Variants in CERT1 observed in about 807,000 individuals in gnomAD.
CERT1 encodes ceramide transporter 1.
Under a neutral mutation model 87.9 loss-of-function variants are expected in CERT1, and 31 were observed. The observed-to-expected ratio is 0.35, with a 90% CI of 0.27 to 0.48. CERT1 has a LOEUF of 0.48. CERT1 is among the 20% of genes least tolerant of loss of function. The probability of loss-of-function intolerance (pLI) is 0.99; values close to 1 mark genes in which losing one functional copy is unlikely to be tolerated. For missense variants in CERT1, 487 were observed against 758.0 expected (o/e 0.64, Z 4.20); for synonymous variants, 289 against 250.9 (o/e 1.15, Z -1.44).
chr5:75,482,082 T>A (rs1425130849), intron 2 of CERT1, among the ~76,000 whole-genome samples: 1 of 152,220 alleles, frequency 6.6e-6, no homozygotes, highest in African/African-American at 2.4e-5. Flanking sequence ...ACTTCTTTCC[T>A]GGGATAGAGC....
chr5:75,481,042 A>C (rs1766218122), intron 2 of CERT1, among the ~76,000 whole-genome samples: 1 of 151,918 alleles, frequency 6.6e-6, no homozygotes, highest in Admixed American at 6.5e-5. Context: ...TCCTCTGCTC[A>C]AACCTCCAGC....
intron 8 of CERT1, among the ~76,000 whole-genome samples, chr5:75,405,211 T>C (rs1298206116): frequency 3.9e-5 from 6 of 152,176 alleles, no homozygotes. Context: ...CCCCTTAGAA[T>C]AGCATTTCTT....
At chr5:75,434,376 G>A (rs1296378452) in intron 3 of CERT1, among the ~76,000 whole-genome samples, 5 of 151,938 alleles carry the variant, frequency 3.3e-5, no homozygotes, top group South Asian at 2.1e-4. Flanking sequence ...GTGTTTTGAC[G>A]TGCTGCTGTA....
intron 3 of CERT1, among the ~76,000 whole-genome samples, chr5:75,427,401 C>A (rs1027437307): frequency 6.6e-6 from 1 of 152,100 alleles, no homozygotes; most frequent in Non-Finnish European, 1.5e-5. Flanking sequence ...GAGTCTGAGA[C>A]CAGCCTGGCC....
At chr5:75,385,176 C>A (rs1246481801) in intron 13 of CERT1, among the ~76,000 whole-genome samples, 1 of 152,100 alleles carries the variant, frequency 6.6e-6, no homozygotes, top group African/African-American at 2.4e-5. Flanking sequence ...GGAATACACA[C>A]TAAGAATAAC....
intron 3 of CERT1, among the ~76,000 whole-genome samples, chr5:75,441,101 T>A (rs183128946): frequency 6.6e-5 from 10 of 152,290 alleles, no homozygotes; most frequent in Admixed American, 6.5e-4. Context: ...ATGCACTGCA[T>A]AATGTTTTTG....
At chr5:75,467,641 C>CAAAAAAAAA (rs1458470572) in intron 2 of CERT1, among the ~76,000 whole-genome samples, 1 of 49,978 alleles carries the variant, frequency 2.0e-5, no homozygotes, top group African/African-American at 6.7e-5. Context: ...ACTCTGTCTC[C>CAAAAAAAAA]AAAAAAAAGA....
intron 8 of CERT1, among the ~76,000 whole-genome samples, chr5:75,408,991 T>C (rs1261600299): frequency 6.6e-6 from 1 of 152,092 alleles, no homozygotes; most frequent in Non-Finnish European, 1.5e-5. Flanking sequence ...AAATTATACT[T>C]ACATACTGCT....
At chr5:75,490,537 C>T (rs376319143) in intron 2 of CERT1, among the ~76,000 whole-genome samples, 4 of 151,592 alleles carry the variant, frequency 2.6e-5, no homozygotes, top group African/African-American at 4.9e-5. Context: ...CTCGCTGTGT[C>T]GCCCAGGCTG....
chr5:75,498,117 T>C (rs1488322926), intron 2 of CERT1, among the ~76,000 whole-genome samples: 2 of 152,172 alleles, frequency 1.3e-5, no homozygotes, highest in South Asian at 4.1e-4. Flanking sequence ...CCTAGAGATC[T>C]ATGGAACTTT....
intron 5 of CERT1, among the ~76,000 whole-genome samples, chr5:75,424,504 G>A (rs925103064): frequency 1.3e-5 from 2 of 151,910 alleles, no homozygotes; most frequent in East Asian, 1.9e-4. Flanking sequence ...CCAGGGAGCC[G>A]GAGGTTGCAG....
At chr5:75,468,016 C>T (rs1355665482) in intron 2 of CERT1, among the ~76,000 whole-genome samples, 1 of 151,918 alleles carries the variant, frequency 6.6e-6, no homozygotes, top group Non-Finnish European at 1.5e-5. Context: ...AGTGGTTGGC[C>T]CTTAGTGTTA....
chr5:75,485,044 A>G (rs539658392), intron 2 of CERT1, among the ~76,000 whole-genome samples: 1 of 152,254 alleles, frequency 6.6e-6, no homozygotes, highest in South Asian at 2.1e-4. Flanking sequence ...CAATAATACT[A>G]CAATTCAATA....
At chr5:75,371,192 T>C (rs1034805374) in intron 17 of CERT1, 1 of 152,152 alleles carries the variant, frequency 6.6e-6, no homozygotes, top group Non-Finnish European at 1.5e-5. Flanking sequence ...TTTATTGTGT[T>C]TAAAAAACAT....
chr5:75,468,334 C>T (rs1045264840), intron 2 of CERT1, among the ~76,000 whole-genome samples: 2 of 152,116 alleles, frequency 1.3e-5, no homozygotes, highest in African/African-American at 4.8e-5. Context: ...TGTGTCAACC[C>T]TCCCACAATC....
At chr5:75,496,437 T>C (rs1174495095) in intron 2 of CERT1, among the ~76,000 whole-genome samples, 3 of 152,172 alleles carry the variant, frequency 2.0e-5, no homozygotes, top group Non-Finnish European at 4.4e-5. Flanking sequence ...GTTAAACATA[T>C]ACTTACCTTA....
intron 2 of CERT1, among the ~76,000 whole-genome samples, chr5:75,466,753 A>T (rs73120811): frequency 0.055 from 8,323 of 152,178 alleles, 475 homozygotes; most frequent in African/African-American, 0.14. Context: ...ATCCCTCCAT[A>T]CTTACAGGTT....
At chr5:75,438,489 T>A (rs1220619653) in intron 3 of CERT1, among the ~76,000 whole-genome samples, 1 of 152,146 alleles carries the variant, frequency 6.6e-6, no homozygotes, top group East Asian at 1.9e-4. Context: ...GTAACATGCT[T>A]TCAAAATCCC....
At chr5:75,510,905 C>T (rs1395453988) in intron 1 of CERT1, among the ~76,000 whole-genome samples, 1 of 152,144 alleles carries the variant, frequency 6.6e-6, no homozygotes, top group Non-Finnish European at 1.5e-5. Context: ...ACACCCTTTC[C>T]CTGGTCCTCG....
Sources: allele counts gnomAD v4.1 joint callset (sites outside exome capture counted in the v4.1 genomes callset), GRCh38; gene constraint gnomAD v4.1.1; transcripts MANE v1.5; gene names NCBI Gene and HGNC (gene_info 2026-07-23, HGNC 2026-07-21).